SORCS3: variants seen among roughly 807,000 people sequenced by gnomAD.
SORCS3 encodes sortilin related VPS10 domain containing receptor 3.
A neutral mutation model predicts 146.3 loss-of-function variants in SORCS3; 57 were observed. The observed-to-expected ratio is 0.39, with a 90% CI of 0.31 to 0.49. The LOEUF is 0.49. Ranked by LOEUF, SORCS3 falls within the 20% of genes least tolerant of loss-of-function variation. The pLI is 0.92. For synonymous variants in SORCS3, 653 were observed against 618.5 expected, an observed-to-expected ratio of 1.06 and a Z score of -0.83; for missense variants, 1,341 against 1,575.5, an observed-to-expected ratio of 0.85 and a Z score of 2.52.
intron 1 of SORCS3, among the ~76,000 whole-genome samples, chr10:104,681,804 C>T (rs1004784887): frequency 6.6e-6 from 1 of 152,118 alleles, no homozygotes; most frequent in African/African-American, 2.4e-5. Flanking sequence ...ATGCTCTGTC[C>T]CCTGATAGCT....
chr10:105,230,683 C>T (rs2056760895), intron 20 of SORCS3, among the ~76,000 whole-genome samples: 1 of 152,144 alleles, frequency 6.6e-6, no homozygotes, highest in Non-Finnish European at 1.5e-5. Context: ...TGATCATTGC[C>T]AGTGGCCTGT....
At chr10:105,165,228 G>C (rs1023201878) in intron 12 of SORCS3, among the ~76,000 whole-genome samples, 4 of 152,042 alleles carry the variant, frequency 2.6e-5, no homozygotes, top group African/African-American at 9.7e-5. Context: ...TTCGTAGCTA[G>C]ATAACTATAA....
intron 1 of SORCS3, among the ~76,000 whole-genome samples, chr10:104,838,965 C>A (rs1156701199): frequency 6.6e-6 from 1 of 152,114 alleles, no homozygotes; most frequent in Non-Finnish European, 1.5e-5. Flanking sequence ...TCAGACATTG[C>A]CAAGGCTTAA....
At chr10:104,749,226 GGTGTGTGTGTGTGTGTGT>G (rs60550253) in intron 1 of SORCS3, among the ~76,000 whole-genome samples, 3 of 140,900 alleles carry the variant, frequency 2.1e-5, no homozygotes, top group South Asian at 2.3e-4. Context: ...CAAAGTATAG[GGTGTGTGTGTGTGTGTGT>G]GTGTGTGTGT....
intron 18 of SORCS3, among the ~76,000 whole-genome samples, chr10:105,215,291 G>A (rs2056658457): frequency 6.6e-6 from 1 of 152,270 alleles, no homozygotes; most frequent in Non-Finnish European, 1.5e-5. Context: ...GGCATTTTAG[G>A]CACTCTTTGC....
chr10:104,849,409 C>T (rs2018245408), intron 2 of SORCS3, among the ~76,000 whole-genome samples: 1 of 57,166 alleles, frequency 1.7e-5, no homozygotes, highest in African/African-American at 9.6e-5. Flanking sequence ...GAGACTCCAT[C>T]TCAAAAAAAA....
At chr10:105,103,420 T>C (rs1384820533) in intron 6 of SORCS3, among the ~76,000 whole-genome samples, 2 of 152,164 alleles carry the variant, frequency 1.3e-5, no homozygotes, top group Non-Finnish European at 2.9e-5. Flanking sequence ...GGCTGGGAGG[T>C]ATTAGCCCAG....
intron 2 of SORCS3, among the ~76,000 whole-genome samples, chr10:104,855,738 T>G (rs966592879): frequency 6.6e-6 from 1 of 152,018 alleles, no homozygotes; most frequent in Admixed American, 6.6e-5. Flanking sequence ...TGTATGTGTG[T>G]GTGTGTGTGT....
At chr10:105,050,643 C>A (rs954444763) in intron 5 of SORCS3, among the ~76,000 whole-genome samples, 1 of 152,138 alleles carries the variant, frequency 6.6e-6, no homozygotes, top group Admixed American at 6.6e-5. Flanking sequence ...AGGCACCTAG[C>A]TGAGTTGTGC....
intron 14 of SORCS3, among the ~76,000 whole-genome samples, chr10:105,180,668 A>G (rs553958436): frequency 1.1e-4 from 17 of 152,288 alleles, no homozygotes; most frequent in Middle Eastern, 3.4e-3. Context: ...AGAATGGCCT[A>G]CAAGTATCTA....
intron 4 of SORCS3, among the ~76,000 whole-genome samples, chr10:105,012,664 T>C (rs2055142348): frequency 6.6e-6 from 1 of 152,102 alleles, no homozygotes; most frequent in Non-Finnish European, 1.5e-5. Context: ...CACACACATA[T>C]CTATGAGGTT....
intron 1 of SORCS3, among the ~76,000 whole-genome samples, chr10:104,730,891 C>T (rs570688041): frequency 4.8e-4 from 73 of 152,236 alleles, no homozygotes; most frequent in Admixed American, 2.4e-3. Flanking sequence ...CTGGTCCTGC[C>T]CTTGACACAT....
At chr10:104,693,076 G>A (rs769318923) in intron 1 of SORCS3, among the ~76,000 whole-genome samples, 10 of 152,204 alleles carry the variant, frequency 6.6e-5, no homozygotes, top group Non-Finnish European at 1.0e-4. Flanking sequence ...AGCCACATAA[G>A]CTTCAGGGAT....
At chr10:104,750,966 A>G (rs553721467) in intron 1 of SORCS3, among the ~76,000 whole-genome samples, 1 of 152,200 alleles carries the variant, frequency 6.6e-6, no homozygotes, top group Non-Finnish European at 1.5e-5. Context: ...TATCGTGTCT[A>G]TAATATTTTA....
Position 104,768,116 on chromosome 10 carries a change from A to G in SORCS3, c.628-74676A>G, listed in dbSNP as rs572408327. Among the ~76,000 whole-genome samples, 8 of 152,348 alleles carry G rather than the reference A, an allele frequency of 5.3e-5. 1 individual carries two copies. In the South Asian group the frequency reaches 1.7e-3, roughly 32 times the overall value. The stretch of plus-strand genomic sequence containing the variant: ...CAGAGCTTCTAAAGGTATGGTTCAC[A>G]GGAGAACTGCCTTAGAATTACAATT... On this transcript the variant is annotated intron_variant, in intron 1 of 26. Coordinates refer to ENST00000369701, the MANE Select transcript of SORCS3 (RefSeq NM_014978.3).
intron 1 of SORCS3, among the ~76,000 whole-genome samples, chr10:104,796,421 T>G (rs1275862290): frequency 6.6e-6 from 1 of 150,640 alleles, no homozygotes; most frequent in Non-Finnish European, 1.5e-5. Context: ...AACACATTCC[T>G]AAGTTGATAA....
At chr10:104,956,036 C>T (rs888272662) in intron 3 of SORCS3, among the ~76,000 whole-genome samples, 4 of 151,990 alleles carry the variant, frequency 2.6e-5, no homozygotes, top group Non-Finnish European at 4.4e-5. Context: ...ATAGGATTTA[C>T]GGGTATGGAG....
chr10:104,951,106 C>T (rs1445073714), intron 3 of SORCS3, among the ~76,000 whole-genome samples: 1 of 151,992 alleles, frequency 6.6e-6, no homozygotes, highest in East Asian at 1.9e-4. Flanking sequence ...GGATAATTTC[C>T]TTCTTAGTCT....
intron 14 of SORCS3, among the ~76,000 whole-genome samples, chr10:105,189,211 T>C (rs1245643293): frequency 6.6e-6 from 1 of 152,210 alleles, no homozygotes; most frequent in African/African-American, 2.4e-5. Flanking sequence ...AAACCCATTT[T>C]AGACTCTAGC....
Sources: allele counts gnomAD v4.1 joint callset (sites outside exome capture counted in the v4.1 genomes callset), GRCh38; gene constraint gnomAD v4.1.1; transcripts MANE v1.5; gene names NCBI Gene and HGNC (gene_info 2026-07-23, HGNC 2026-07-21).